ADAM30: variants seen among roughly 807,000 people sequenced by gnomAD.
ADAM30 encodes the protein ADAM metallopeptidase domain 30, also known as disintegrin and metalloproteinase domain-containing protein 30.
For missense variants in ADAM30, 960 were observed against 959.4 expected (o/e 1.00, Z -0.01); for synonymous variants, 382 against 340.9 (o/e 1.12, Z -1.33).
chr1:119,894,149 T>G lies in ADAM30; in HGVS notation c.2188A>C (p.Thr730Pro), dbSNP rs771247596. ...TTTGTTTTAGATTCTTCCTGTTCAGTTTTTGCTTTGGATAGTGGCATTTTT... is the reference window on the plus strand; with the variant it reads ...TTTGTTTTAGATTCTTCCTGTTCAGGTTTTGCTTTGGATAGTGGCATTTTT... Reference protein sequence around the residue: ...QEKMPLSKAKTEQEESKTKTV... With the variant: ...QEKMPLSKAKPEQEESKTKTV... Residue 730 changes from threonine (T) to proline (P), a missense_variant, in exon 1 of 1, where the codon ACT (threonine) becomes CCT (proline). Thr to Pro is a conservative substitution (Grantham distance 38). Transcript: ENST00000369400. 5.6e-6 allele frequency: 9 copies of G among 1,613,578 alleles called. No homozygotes were observed. The highest frequency in any genetic ancestry group is 7.6e-6 in the Non-Finnish European group (9 of 1,179,976).
In ADAM30 at chr1:119,896,057, T is replaced by G. The variant is rs1489572905; in HGVS notation, c.280A>C (p.Thr94Pro). The G allele has an allele frequency of 6.2e-7, 1 of 1,614,086 alleles. No homozygotes were observed. Residue 94 changes from threonine (T) to proline (P), a missense_variant, in exon 1 of 1, where the codon ACA becomes CCA. By Grantham distance (38) the Thr-to-Pro change is conservative. Coordinates refer to ENST00000369400, the MANE Select transcript of ADAM30 (RefSeq NM_021794.4). The stretch of plus-strand genomic sequence containing the variant: ...TCCTCCAGCAGTTCCCCATGTTCTG[T>G]GAAGGAGAAAACGCGCAGATGTCGG... ...LPRHLRVFSF[T>P]EHGELLEDHP... is the part of the protein sequence containing the mutation.
At position 119,894,743 on chromosome 1, in the gene ADAM30, G is replaced by T; in HGVS notation, c.1594C>A (p.Gln532Lys). ...CYDAVNLIGD[Q>K]FGNCEITGIR... ...CCTGTAATCTCACAGTTACCAAATT[G>T]ATCACCTATTAAGTTAACTGCATCA... Residue 532 changes from glutamine to lysine, a missense_variant, in exon 1 of 1, where the codon CAA (glutamine) becomes AAA (lysine). Coordinates refer to ENST00000369400, the MANE Select transcript of ADAM30 (RefSeq NM_021794.4). 6.2e-7 allele frequency: 1 copy of T among 1,614,116 alleles called. No homozygotes were observed. The highest frequency in any genetic ancestry group is 8.5e-7 in the Non-Finnish European group (1 of 1,180,036).
rs200819018 is a variant in ADAM30, at chr1:119,896,256, G to A, written c.81C>T (p.Gly27=). Residue 27 remains glycine (G), a synonymous_variant, in exon 1 of 1, where the codon GGC becomes GGT. Coordinates refer to ENST00000369400, the MANE Select transcript of ADAM30 (RefSeq NM_021794.4). Reference sequence around the variant, plus strand: ...CTTCAGGGTGAAAAATTACATCTTCGCCAAGAGACTTAAGGAGCATTGTCG... The same window carrying A: ...CTTCAGGGTGAAAAATTACATCTTCACCAAGAGACTTAAGGAGCATTGTCG... ...LVPTMLLKSL[G]EDVIFHPEGE... 1.2e-5 allele frequency: 20 copies of A among 1,613,586 alleles called. No homozygotes were observed. The East Asian group carries it at 3.8e-4, about 31-fold the overall frequency.
In ADAM30 at chr1:119,896,438, A is replaced by C; in HGVS notation, c.-102T>G. 1 of 1,422,472 alleles carries C rather than the reference A, an allele frequency of 7.0e-7. No individual in the cohort carries two copies. Among genetic ancestry groups the C allele is most frequent in the Non-Finnish European group, 9.2e-7 (1 of 1,086,536 alleles). The allele number at this position is 1,422,472 out of a possible 1,614,324, so 88.1% of individuals were successfully genotyped here. A position where few individuals can be genotyped will look rare whatever the true frequency, so the allele number is the denominator to read the frequency against. ...CGCCGCTAGAGGCGCCTGAGCTCAAAACCCGGCTCCCCTGGCAGGGTTTCC... is the reference window on the plus strand; with the variant it reads ...CGCCGCTAGAGGCGCCTGAGCTCAACACCCGGCTCCCCTGGCAGGGTTTCC... On this transcript the variant is annotated 5_prime_UTR_variant, in exon 1 of 1. Coordinates refer to ENST00000369400, the MANE Select transcript of ADAM30 (RefSeq NM_021794.4).
chr1:119,894,342 C>T lies in ADAM30; in HGVS notation c.1995G>A (p.Gly665=), dbSNP rs752601612. 2.5e-6 allele frequency: 4 copies of T among 1,614,160 alleles called. No homozygotes were observed. The highest frequency in any genetic ancestry group is 1.7e-5 in the Admixed American group (1 of 60,028). The change falls in exon 1 of 1, where the codon GGG becomes GGA. Residue 665 remains glycine, a synonymous_variant. Transcript: ENST00000369400. ...GWAPPFCEEV[G]YGGSIDSGPP... is the part of the protein sequence containing the mutation. The stretch of plus-strand genomic sequence containing the variant: ...GCCCACTGTCAATGCTTCCTCCATA[C>T]CCCACTTCCTCACAGAATGGAGGTG...
At position 119,896,178 on chromosome 1, in the gene ADAM30, T is replaced by TC; in HGVS notation, c.158dup (p.Glu54ArgfsTer70). 3 of 1,614,108 alleles carry TC rather than the reference T, an allele frequency of 1.9e-6. No individual in the cohort carries two copies. Among genetic ancestry groups the TC allele is most frequent in the Non-Finnish European group, 2.5e-6 (3 of 1,180,024 alleles). Reference sequence around the variant, plus strand: ...CGGGACTGACCACACCCTGCACCTCTCCCCGGAAGCTCAGCTTCTCAGGAA... The same window carrying TC: ...CGGGACTGACCACACCCTGCACCTCTCCCCCGGAAGCTCAGCTTCTCAGGAA... On this transcript the variant is annotated frameshift_variant, in exon 1 of 1. Transcript: ENST00000369400. LOFTEE classifies it low-confidence loss of function (END_TRUNC).
chr1:119,896,337 G>T lies in ADAM30; in HGVS notation c.-1C>A. The T allele has an allele frequency of 2.6e-6, 4 of 1,558,904 alleles. No individual in the cohort carries two copies. The South Asian group carries it at 3.7e-5, about 14-fold the overall frequency. The stretch of plus-strand genomic sequence containing the variant: ...AGAGGAAGATCTGCACTGACCTCAT[G>T]GTCTGTTCCCTACTCAGCCTCAGTT... On this transcript the variant is annotated 5_prime_UTR_variant, in exon 1 of 1. Coordinates refer to ENST00000369400, the MANE Select transcript of ADAM30 (RefSeq NM_021794.4).
At position 119,896,419 on chromosome 1, in the gene ADAM30, T is replaced by A; in HGVS notation, c.-83A>T. On this transcript the variant is annotated 5_prime_UTR_variant, in exon 1 of 1. Transcript: ENST00000369400. ...GAGTCAGATTTCTGGGGGCCGCCGC[T>A]AGAGGCGCCTGAGCTCAAAACCCGG... 1 of 1,438,106 alleles carries A rather than the reference T, an allele frequency of 7.0e-7. No individual in the cohort carries two copies. The highest frequency in any genetic ancestry group is 9.1e-7 in the Non-Finnish European group (1 of 1,094,158). The allele number at this position is 1,438,106 out of a possible 1,614,324, so 89.1% of individuals were successfully genotyped here.
rs1346061372 is a variant in ADAM30 at position 119,894,776 on chromosome 1, C to T, written c.1561G>A (p.Glu521Lys). 1.2e-6 allele frequency: 2 copies of T among 1,614,112 alleles called. No homozygotes were observed. The highest frequency in any genetic ancestry group is 2.2e-5 in the East Asian group (1 of 44,902). Residue 521 changes from glutamate to lysine, a missense_variant, in exon 1 of 1, where the codon GAG becomes AAG. Physicochemically the swap from Glu to Lys is moderately conservative, Grantham distance 56 (BLOSUM62 1). Transcript: ENST00000369400. ...ATTAAGTTAACTGCATCATAGCACT[C>T]ACTAGGAGCCTCCATGGCATCAGGT... ...FGPDAMEAPS[E>K]CYDAVNLIGD...
At position 119,896,513 on chromosome 1, in the gene ADAM30, C is replaced by T. The variant is rs1282519822; in HGVS notation, c.-177G>A. ...CTCGGTCTAGCTGGCGTCCGCAATGCGCGCGTGACCTGTCCAACGCATCCA... is the reference window on the plus strand; with the variant it reads ...CTCGGTCTAGCTGGCGTCCGCAATGTGCGCGTGACCTGTCCAACGCATCCA... On this transcript the variant is annotated 5_prime_UTR_variant, in exon 1 of 1. Transcript: ENST00000369400. 4 of 901,562 alleles carry T rather than the reference C, an allele frequency of 4.4e-6. No individual in the cohort carries two copies. The highest frequency in any genetic ancestry group is 1.7e-5 in the African/African-American group (1 of 59,382). The allele number at this position is 901,562 out of a possible 1,614,324, so 55.8% of individuals were successfully genotyped here.
In ADAM30 at chr1:119,894,144, T is replaced by C; in HGVS notation, c.2193A>G (p.Glu731=). Residue 731 remains glutamate (E), a synonymous_variant, in exon 1 of 1, where the codon GAA becomes GAG. Transcript: ENST00000369400. ...EKMPLSKAKT[E]QEESKTKTVQ... ...CAGTTTTTGTTTTAGATTCTTCCTGTTCAGTTTTTGCTTTGGATAGTGGCA... is the reference window on the plus strand; with the variant it reads ...CAGTTTTTGTTTTAGATTCTTCCTGCTCAGTTTTTGCTTTGGATAGTGGCA... 6.2e-7 allele frequency: 1 copy of C among 1,613,788 alleles called. No homozygotes were observed. The highest frequency in any genetic ancestry group is 8.5e-7 in the Non-Finnish European group (1 of 1,179,928).
chr1:119,893,896 C>A lies in ADAM30; in HGVS notation c.*68G>T. 6.5e-7 allele frequency: 1 copy of A among 1,532,118 alleles called. No homozygotes were observed. Among genetic ancestry groups the A allele is most frequent in the Non-Finnish European group, 8.7e-7 (1 of 1,146,734 alleles). 94.9% of individuals were successfully genotyped at this position (1,532,118 alleles called of 1,614,324 possible). A position where few individuals can be genotyped will look rare whatever the true frequency, so the allele number is the denominator to read the frequency against. Reference sequence around the variant, plus strand: ...AAAATATTGGGAGAAGAATGGAAAGCCTTTGGATAAATGATTAGCTGGTTA... The same window carrying A: ...AAAATATTGGGAGAAGAATGGAAAGACTTTGGATAAATGATTAGCTGGTTA... On this transcript the variant is annotated 3_prime_UTR_variant, in exon 1 of 1. Coordinates refer to ENST00000369400, the MANE Select transcript of ADAM30 (RefSeq NM_021794.4).
At position 119,896,303 on chromosome 1, in the gene ADAM30, G is replaced by A. The variant is rs1217237337; in HGVS notation, c.34C>T (p.Arg12Cys). The A allele has an allele frequency of 5.0e-6, 8 of 1,599,290 alleles. No individual in the cohort carries two copies. The highest frequency in any genetic ancestry group is 6.0e-6 in the Non-Finnish European group (7 of 1,172,376). The change falls in exon 1 of 1, where the codon CGT becomes TGT. Residue 12 changes from arginine to cysteine, a missense_variant. Arg to Cys is a radical substitution (Grantham distance 180). Coordinates refer to ENST00000369400, the MANE Select transcript of ADAM30 (RefSeq NM_021794.4). The part of the protein sequence containing the change: ...RSVQIFLSQC[R>C]LLLLLVPTML... ...GTCGGAACTAGTAGAAGGAGCAAAC[G>A]GCATTGGGAGAGGAAGATCTGCACT... is the stretch of plus-strand genomic sequence containing the variant.
At position 119,896,205 on chromosome 1, in the gene ADAM30, G is replaced by A; in HGVS notation, c.132C>T (p.Thr44=). 6.2e-7 allele frequency: 1 copy of A among 1,614,160 alleles called. No individual in the cohort carries two copies. Among genetic ancestry groups the A allele is most frequent in the Non-Finnish European group, 8.5e-7 (1 of 1,180,020 alleles). ...CCCGGAAGCTCAGCTTCTCAGGAATGGTGACTTCATACGAGTCAAACTCCC... is the reference window on the plus strand; with the variant it reads ...CCCGGAAGCTCAGCTTCTCAGGAATAGTGACTTCATACGAGTCAAACTCCC... The part of the protein sequence containing the change: ...PEGEFDSYEV[T]IPEKLSFRGE... The change falls in exon 1 of 1, where the codon ACC becomes ACT. Residue 44 remains threonine, a synonymous_variant. Coordinates refer to ENST00000369400, the MANE Select transcript of ADAM30 (RefSeq NM_021794.4).
rs1006323299 is a variant in ADAM30, at chr1:119,896,450, C to T, written c.-114G>A. 3 of 1,419,166 alleles carry T rather than the reference C, an allele frequency of 2.1e-6. No individual in the cohort carries two copies. Among genetic ancestry groups the T allele is most frequent in the Non-Finnish European group, 1.8e-6 (2 of 1,085,052 alleles). 87.9% of individuals were successfully genotyped at this position (1,419,166 alleles called of 1,614,324 possible). ...CGCCTGAGCTCAAAACCCGGCTCCC[C>T]TGGCAGGGTTTCCGGGGGAGCCCGT... On this transcript the variant is annotated 5_prime_UTR_variant, in exon 1 of 1. Coordinates refer to ENST00000369400, the MANE Select transcript of ADAM30 (RefSeq NM_021794.4).
chr1:119,894,520 A>G lies in ADAM30; in HGVS notation c.1817T>C (p.Ile606Thr). Reference sequence around the variant, plus strand: ...TTCTCCACAGGAGGTGCCATCATTTATCATACCTAGGTCAGGTATTCCCAT... The same window carrying G: ...TTCTCCACAGGAGGTGCCATCATTTGTCATACCTAGGTCAGGTATTCCCAT... ...KPMGIPDLGM[I>T]NDGTSCGEGR... is the part of the protein sequence containing the mutation. The change falls in exon 1 of 1, where the codon ATA (isoleucine) becomes ACA (threonine). Residue 606 changes from isoleucine (I) to threonine (T), a missense_variant. Coordinates refer to ENST00000369400, the MANE Select transcript of ADAM30 (RefSeq NM_021794.4). 1.9e-6 allele frequency: 3 copies of G among 1,614,088 alleles called. No individual in the cohort carries two copies. The highest frequency in any genetic ancestry group is 2.5e-6 in the Non-Finnish European group (3 of 1,180,032).
Position 119,895,781 on chromosome 1 carries a change from A to C in ADAM30, c.556T>G (p.Tyr186Asp). 6.2e-7 allele frequency: 1 copy of C among 1,614,142 alleles called. No homozygotes were observed. The highest frequency in any genetic ancestry group is 8.5e-7 in the Non-Finnish European group (1 of 1,180,030). The change falls in exon 1 of 1, where the codon TAT becomes GAT. Residue 186 changes from tyrosine (Y) to aspartate (D), a missense_variant. Coordinates refer to ENST00000369400, the MANE Select transcript of ADAM30 (RefSeq NM_021794.4). ...DDEIEWQMAP[Y>D]ENKARLRDFP... is the part of the protein sequence containing the mutation. ...TCCCTTAGCCTCGCCTTATTCTCAT[A>C]AGGGGCCATCTGCCATTCTATTTCA...
Position 119,895,889 on chromosome 1 carries a change from T to C in ADAM30, c.448A>G (p.Lys150Glu). 6.2e-7 allele frequency: 1 copy of C among 1,614,180 alleles called. No homozygotes were observed. The highest frequency in any genetic ancestry group is 8.5e-7 in the Non-Finnish European group (1 of 1,180,034). Residue 150 changes from lysine to glutamate, a missense_variant, in exon 1 of 1, where the codon AAG becomes GAG. Coordinates refer to ENST00000369400, the MANE Select transcript of ADAM30 (RefSeq NM_021794.4). Reference sequence around the variant, plus strand: ...ACATGTTCAAAACTGGGAGAGGCCTTGAGGGGCTCAATTTGGTAATGTTTG... The same window carrying C: ...ACATGTTCAAAACTGGGAGAGGCCTCGAGGGGCTCAATTTGGTAATGTTTG... ...DAKHYQIEPLKASPSFEHVVY... is the reference protein window; with the variant it reads ...DAKHYQIEPLEASPSFEHVVY...
Position 119,896,412 on chromosome 1 carries a change from C to T in ADAM30, c.-76G>A. On this transcript the variant is annotated 5_prime_UTR_variant, in exon 1 of 1. Transcript: ENST00000369400. ...GCCTCGCGAGTCAGATTTCTGGGGG[C>T]CGCCGCTAGAGGCGCCTGAGCTCAA... The T allele has an allele frequency of 6.9e-7, 1 of 1,448,680 alleles. No individual in the cohort carries two copies. Among genetic ancestry groups the T allele is most frequent in the Non-Finnish European group, 9.1e-7 (1 of 1,099,802 alleles). The allele number at this position is 1,448,680 out of a possible 1,614,324, so 89.7% of individuals were successfully genotyped here. A position where few individuals can be genotyped will look rare whatever the true frequency, so the allele number is the denominator to read the frequency against.
Sources: gnomAD v4.1 joint callset for allele counts on GRCh38, gnomAD v4.1.1 for gene constraint, MANE v1.5 for transcripts, NCBI Gene and HGNC (gene_info 2026-07-23, HGNC 2026-07-21) for gene names.